The following COL19A1 variants were observed in gnomAD, a reference collection of about 807,000 sequenced individuals.
COL19A1 encodes the protein collagen type XIX alpha 1 chain.
COL19A1 carries 159 observed loss-of-function variants against 190.2 expected under a neutral mutation model. That is an observed-to-expected ratio of 0.84 (90% CI 0.73 to 0.95). COL19A1 has a LOEUF of 0.95. COL19A1 is among the 40% of genes least tolerant of loss of function. The probability of loss-of-function intolerance (pLI) is 0.00; values close to 1 mark genes in which losing one functional copy is unlikely to be tolerated. For synonymous variants in COL19A1, 509 were observed against 458.9 expected, an observed-to-expected ratio of 1.11 and a Z score of -1.39; for missense variants, 1,418 against 1,431.9, an observed-to-expected ratio of 0.99 and a Z score of 0.16.
At chr6:70,083,875 T>C (rs1261928673) in intron 15 of COL19A1, among the ~76,000 whole-genome samples, 2 of 152,154 alleles carry the variant, frequency 1.3e-5, no homozygotes, top group Admixed American at 6.6e-5. Flanking sequence ...GGAGTCCATA[T>C]GCAGGGCAAG....
chr6:70,084,222 G>A (rs1348709364), intron 15 of COL19A1, among the ~76,000 whole-genome samples: 1 of 152,088 alleles, frequency 6.6e-6, no homozygotes. Flanking sequence ...TCCAGGTAAC[G>A]GTTGGTGAAG....
chr6:70,093,420 G>A (rs1480183233), intron 15 of COL19A1, among the ~76,000 whole-genome samples: 3 of 152,070 alleles, frequency 2.0e-5, no homozygotes, highest in Non-Finnish European at 4.4e-5. Flanking sequence ...GCAATGACAG[G>A]CCTAGAAAAC....
intron 15 of COL19A1, chr6:70,098,323 A>G (rs1783411623): frequency 4.6e-6 from 2 of 433,148 alleles, no homozygotes; most frequent in Admixed American, 2.3e-5. Flanking sequence ...CACCCTACCA[A>G]AAATCTACAG....
intron 11 of COL19A1, among the ~76,000 whole-genome samples, chr6:70,003,574 A>G (rs112887082): frequency 0.011 from 1,615 of 152,034 alleles, 19 homozygotes; most frequent in African/African-American, 0.037. Context: ...GTGCATATAT[A>G]TTTAGAATAG....
Position 70,181,760 on chromosome 6 carries a change from C to A in COL19A1, c.2775+1237C>A, listed in dbSNP as rs1562250306. Among the ~76,000 whole-genome samples, 7 of 151,704 alleles carry A rather than the reference C, an allele frequency of 4.6e-5. No individual in the cohort carries two copies. In the South Asian group the frequency reaches 1.5e-3, roughly 32 times the overall value. On this transcript the variant is annotated intron_variant, in intron 44 of 50. Transcript: ENST00000620364. ...AATAGTGGGCTCAGAGAAAATTTGC[C>A]TGCAATTTGAGCAGAAACCTGCATA...
chr6:69,869,417 G>A (rs929726628), intron 1 of COL19A1, among the ~76,000 whole-genome samples: 1 of 152,136 alleles, frequency 6.6e-6, no homozygotes, highest in African/African-American at 2.4e-5. Context: ...ATGCAGAGTG[G>A]ACTATTAGGC....
intron 4 of COL19A1, among the ~76,000 whole-genome samples, chr6:69,918,878 G>A (rs1229833368): frequency 6.6e-6 from 1 of 152,178 alleles, no homozygotes; most frequent in Non-Finnish European, 1.5e-5. Flanking sequence ...TCCTTGTGGA[G>A]GGATGTTCTG....
intron 11 of COL19A1, among the ~76,000 whole-genome samples, chr6:69,989,326 C>G (rs538506571): frequency 7.9e-5 from 12 of 152,270 alleles, no homozygotes; most frequent in Admixed American, 2.0e-4. Flanking sequence ...GCCTGCCTTT[C>G]CAATTTAGTT....
chr6:70,197,052 T>C (rs1347856281), intron 48 of COL19A1, among the ~76,000 whole-genome samples: 1 of 152,048 alleles, frequency 6.6e-6, no homozygotes, highest in Non-Finnish European at 1.5e-5. Context: ...AATTCATATA[T>C]TAAAGAGGAA....
At chr6:69,999,323 G>A (rs1254245823) in intron 11 of COL19A1, among the ~76,000 whole-genome samples, 1 of 152,012 alleles carries the variant, frequency 6.6e-6, no homozygotes, top group Non-Finnish European at 1.5e-5. Flanking sequence ...TTGAACCCAG[G>A]AATTCAAGAC....
intron 30 of COL19A1, among the ~76,000 whole-genome samples, chr6:70,151,026 G>C (rs1182173850): frequency 1.3e-5 from 2 of 152,072 alleles, no homozygotes; most frequent in Non-Finnish European, 2.9e-5. Context: ...TAGTGTGTTC[G>C]CCAGAGGAAT....
chr6:69,927,291 A>G (rs932394012), intron 4 of COL19A1, among the ~76,000 whole-genome samples: 4 of 152,204 alleles, frequency 2.6e-5, no homozygotes, highest in Admixed American at 1.3e-4. Flanking sequence ...ACATACATAC[A>G]TAAAGCAATA....
chr6:70,037,384 G>C (rs1247914440), intron 14 of COL19A1, among the ~76,000 whole-genome samples: 5 of 152,018 alleles, frequency 3.3e-5, no homozygotes, highest in Non-Finnish European at 7.4e-5. Flanking sequence ...TGGAACTCCT[G>C]ACCTCAGGTG....
intron 4 of COL19A1, among the ~76,000 whole-genome samples, chr6:69,926,493 A>G (rs1206075217): frequency 6.6e-6 from 1 of 152,186 alleles, no homozygotes; most frequent in Non-Finnish European, 1.5e-5. Context: ...ATAGAAAAGT[A>G]TAAAACAGAA....
At chr6:70,206,612 G>A (rs868717233) in intron 49 of COL19A1, among the ~76,000 whole-genome samples, 34 of 138,348 alleles carry the variant, frequency 2.5e-4, no homozygotes, top group African/African-American at 8.8e-4. Context: ...TCCAGCCTGA[G>A]TGACAGAGCA....
Position 70,036,173 on chromosome 6 carries a change from C to T in COL19A1, c.1170+234C>T, listed in dbSNP as rs187051704. Among the ~76,000 whole-genome samples, 6 of 152,280 alleles carry T rather than the reference C, an allele frequency of 3.9e-5. No homozygotes were observed. In the East Asian group the frequency reaches 1.2e-3, roughly 29 times the overall value. On this transcript the variant is annotated intron_variant, in intron 14 of 50. Transcript: ENST00000620364. ...ATTAAAGTCTGGAATCAGTACCTAC[C>T]CTGAGCAATTTCCTCTATCCTCCAT...
chr6:69,995,049 C>G (rs539721321), intron 11 of COL19A1, among the ~76,000 whole-genome samples: 1 of 152,140 alleles, frequency 6.6e-6, no homozygotes, highest in Non-Finnish European at 1.5e-5. Context: ...CATACACACT[C>G]TCTCTTTCTT....
intron 8 of COL19A1, 83 bp downstream of exon 8, chr6:69,936,993 A>G: frequency 6.5e-7 from 1 of 1,539,034 alleles, no homozygotes; most frequent in Admixed American, 1.9e-5. Context: ...TGTTCACAGA[A>G]TGTGTCTTGC....
intron 14 of COL19A1, 109 bp downstream of exon 14, chr6:70,036,048 G>T: frequency 9.5e-7 from 1 of 1,047,244 alleles, no homozygotes; most frequent in Non-Finnish European, 1.4e-6. Flanking sequence ...AAGAATTGAA[G>T]GTGACTTCGA....
Sources: gnomAD v4.1 joint callset for allele counts (sites outside exome capture counted in the v4.1 genomes callset) on GRCh38, gnomAD v4.1.1 for gene constraint, MANE v1.5 for transcripts, NCBI Gene and HGNC (gene_info 2026-07-23, HGNC 2026-07-21) for gene names.